The following WASF1 variants were observed in gnomAD, a reference collection of about 807,000 sequenced individuals.
The protein encoded by WASF1 is WASP family member 1.
Under a neutral mutation model 50.5 loss-of-function variants are expected in WASF1, and 7 were observed. The observed-to-expected ratio is 0.14, with a 90% CI of 0.08 to 0.26. The LOEUF is 0.26. Among genes scored for constraint, WASF1 ranks in the 10% least tolerant of loss-of-function variants. The pLI, the probability that WASF1 is intolerant of heterozygous loss-of-function variation, is 1.00. For synonymous variants in WASF1, 205 were observed against 244.0 expected (o/e 0.84, Z 1.49); for missense variants, 470 against 694.7 (o/e 0.68, Z 3.64).
intron 4 of WASF1, among the ~76,000 whole-genome samples, chr6:110,117,150 A>G (rs529950562): frequency 1.3e-5 from 2 of 152,166 alleles, no homozygotes; most frequent in Non-Finnish European, 2.9e-5. Flanking sequence ...AAAAAACTGG[A>G]TGGAAAATGA....
intron 2 of WASF1, among the ~76,000 whole-genome samples, chr6:110,165,962 A>G (rs899680061): frequency 1.3e-5 from 2 of 151,810 alleles, no homozygotes; most frequent in African/African-American, 4.8e-5. Context: ...GCAAAGCACA[A>G]AAGTCAAATA....
intron 3 of WASF1, among the ~76,000 whole-genome samples, chr6:110,154,414 A>G (rs2114588282): frequency 6.6e-6 from 1 of 152,218 alleles, no homozygotes; most frequent in South Asian, 2.1e-4. Context: ...TCTAAAGGTA[A>G]TACCTAAAAT....
chr6:110,114,554 T>C (rs1229434083), intron 4 of WASF1, among the ~76,000 whole-genome samples: 1 of 152,088 alleles, frequency 6.6e-6, no homozygotes, highest in Admixed American at 6.6e-5. Flanking sequence ...CAAGAAAGCA[T>C]ACATACAGAC....
In WASF1 at chr6:110,100,667, C is replaced by T. The variant is rs1773040264; in HGVS notation, c.1535G>A (p.Arg512His). The T allele has an allele frequency of 6.2e-7, 1 of 1,611,450 alleles. No individual in the cohort carries two copies. Among genetic ancestry groups the T allele is most frequent in the Non-Finnish European group, 8.5e-7 (1 of 1,178,918 alleles). ...CTGTTCACGCTGCTCTTCTACTTTGCGTAGCTGAATACCTGATACAGTGAA... is the reference window on the plus strand; with the variant it reads ...CTGTTCACGCTGCTCTTCTACTTTGTGTAGCTGAATACCTGATACAGTGAA... ...LEAIRKGIQL[R>H]KVEEQREQEA... Residue 512 changes from arginine (R) to histidine (H), a missense_variant, in exon 11 of 11, where the codon CGC becomes CAC. This residue lies in a region of WASF1 where 36 missense variants were observed against 90.7 expected (regional missense o/e 0.40). Transcript: ENST00000392589.
intron 2 of WASF1, among the ~76,000 whole-genome samples, chr6:110,166,662 T>C (rs1461912911): frequency 6.6e-6 from 1 of 151,912 alleles, no homozygotes; most frequent in Non-Finnish European, 1.5e-5. Flanking sequence ...AAAATAGCAG[T>C]TAAAGGTAGA....
At chr6:110,136,173 T>C (rs779569090) in intron 3 of WASF1, among the ~76,000 whole-genome samples, 17 of 152,132 alleles carry the variant, frequency 1.1e-4, no homozygotes, top group Non-Finnish European at 1.8e-4. Context: ...CATGAGCCAC[T>C]GCGCCCAGCC....
intron 3 of WASF1, among the ~76,000 whole-genome samples, chr6:110,137,682 C>T: frequency 6.6e-6 from 1 of 152,194 alleles, no homozygotes; most frequent in East Asian, 1.9e-4. Flanking sequence ...ATTAACTTCC[C>T]TCTGACCTTT....
chr6:110,103,585 T>G, intron 8 of WASF1, 28 bp from the exon 9 acceptor site: 1 of 1,554,052 alleles, frequency 6.4e-7, no homozygotes, highest in Admixed American at 1.8e-5. Flanking sequence ...TATCAGTGAA[T>G]TATTCTTGAA....
intron 3 of WASF1, among the ~76,000 whole-genome samples, chr6:110,132,683 C>T (rs1397533877): frequency 4.6e-5 from 7 of 151,604 alleles, no homozygotes; most frequent in Non-Finnish European, 7.4e-5. Context: ...TATCCCTCTC[C>T]GTCCTCTCAC....
intron 3 of WASF1, among the ~76,000 whole-genome samples, chr6:110,153,021 C>A (rs1296260304): frequency 1.3e-5 from 2 of 152,038 alleles, no homozygotes; most frequent in Non-Finnish European, 2.9e-5. Context: ...TTTGTTCAGC[C>A]TAATGATTGA....
intron 3 of WASF1, among the ~76,000 whole-genome samples, chr6:110,139,259 C>A (rs1562177734): frequency 6.6e-6 from 1 of 152,190 alleles, no homozygotes; most frequent in Non-Finnish European, 1.5e-5. Flanking sequence ...AAGAGATTTC[C>A]CAGGCCCCCA....
At chr6:110,142,952 T>TAAAAAAAAAAAAAAAAAAAAAAAAAAAAA (rs5879060) in intron 3 of WASF1, among the ~76,000 whole-genome samples, 4 of 119,144 alleles carry the variant, frequency 3.4e-5, no homozygotes, top group Non-Finnish European at 5.0e-5. Flanking sequence ...CCCAATGATG[T>TAAAAAAAAAAAAAAAAAAAAAAAAAAAAA]AAAAAAAAAA....
At chr6:110,164,310 G>T (rs1776381155) in intron 2 of WASF1, among the ~76,000 whole-genome samples, 1 of 151,512 alleles carries the variant, frequency 6.6e-6, no homozygotes, top group Admixed American at 6.6e-5. Context: ...ACTAATAAAA[G>T]ACTGTTATTC....
intron 3 of WASF1, among the ~76,000 whole-genome samples, chr6:110,160,327 C>T (rs923376158): frequency 2.0e-5 from 3 of 151,692 alleles, no homozygotes; most frequent in Non-Finnish European, 4.4e-5. Context: ...GATGAGGATT[C>T]GGGTTTTAGA....
chr6:110,102,568 T>A (rs1260412028), intron 9 of WASF1, among the ~76,000 whole-genome samples: 2 of 152,152 alleles, frequency 1.3e-5, no homozygotes, highest in African/African-American at 4.8e-5. Context: ...CATAATGCAA[T>A]TTTGTGGCAA....
intron 3 of WASF1, among the ~76,000 whole-genome samples, chr6:110,130,696 T>TA (rs1162637705): frequency 1.3e-5 from 2 of 152,226 alleles, no homozygotes; most frequent in African/African-American, 4.8e-5. Flanking sequence ...TGTCTTAGTG[T>TA]ACACATTTCT....
intron 4 of WASF1, among the ~76,000 whole-genome samples, chr6:110,122,326 A>AAG (rs1189924073): frequency 2.0e-5 from 3 of 152,322 alleles, no homozygotes; most frequent in Admixed American, 2.0e-4. Flanking sequence ...CCAATTATTC[A>AAG]AGACTACTTT....
chr6:110,154,758 G>A (rs895732015), intron 3 of WASF1, among the ~76,000 whole-genome samples: 3 of 151,790 alleles, frequency 2.0e-5, no homozygotes, highest in South Asian at 2.1e-4. Context: ...ATATTGCAAC[G>A]GAGTCATTTG....
chr6:110,118,849 G>A (rs572115062), intron 4 of WASF1, among the ~76,000 whole-genome samples: 1 of 152,288 alleles, frequency 6.6e-6, no homozygotes, highest in African/African-American at 2.4e-5. Flanking sequence ...CTGTCCCTCA[G>A]ATCACAGTGC....
Sources: gnomAD v4.1 joint callset for allele counts (sites outside exome capture counted in the v4.1 genomes callset) on GRCh38, gnomAD v4.1.1 for gene constraint, gnomAD v4.1.1 regional missense constraint, MANE v1.5 for transcripts, NCBI Gene and HGNC (gene_info 2026-07-23, HGNC 2026-07-21) for gene names.